Variants in COL6A3 observed in about 807,000 individuals in gnomAD.
COL6A3 encodes the protein collagen type VI alpha 3 chain.
COL6A3 carries 137 observed loss-of-function variants against 274.1 expected under a neutral mutation model. That is an observed-to-expected ratio of 0.50 (90% CI 0.44 to 0.58). The LOEUF (loss-of-function observed/expected upper bound fraction) is 0.58, where lower values mean the gene tolerates loss of function less well. COL6A3 is among the 20% of genes least tolerant of loss of function. The probability of loss-of-function intolerance (pLI) is 0.00; values close to 1 mark genes in which losing one functional copy is unlikely to be tolerated. For missense variants in COL6A3, 3,950 were observed against 4,124.9 expected (o/e 0.96, Z 1.16); for synonymous variants, 1,650 against 1,650.6 (o/e 1.00, Z 0.01).
At chr2:237,386,220 C>T (rs1050710081) in intron 4 of COL6A3, among the ~76,000 whole-genome samples, 6 of 152,192 alleles carry the variant, frequency 3.9e-5, no homozygotes, top group Non-Finnish European at 7.3e-5. Flanking sequence ...ATGAATGCAG[C>T]AACTAGAACT....
intron 1 of COL6A3, among the ~76,000 whole-genome samples, chr2:237,402,403 A>T (rs534535795): frequency 6.6e-6 from 1 of 152,344 alleles, no homozygotes; most frequent in South Asian, 2.1e-4. Context: ...CAATTAAAAT[A>T]GAAATGAGGA....
At chr2:237,387,431 C>T (rs1247688434) in intron 4 of COL6A3, 151 bp downstream of exon 4, 36 of 1,159,138 alleles carry the variant, frequency 3.1e-5, no homozygotes, top group Non-Finnish European at 4.1e-5. Flanking sequence ...ACAAACATGA[C>T]ATCCAGGACC....
intron 9 of COL6A3, among the ~76,000 whole-genome samples, chr2:237,370,320 C>T (rs1410562367): frequency 6.6e-6 from 1 of 151,566 alleles, no homozygotes; most frequent in Non-Finnish European, 1.5e-5. Flanking sequence ...CTCACTGCAA[C>T]CTCTGCCTCC....
chr2:237,385,400 G>C (rs1574734961), intron 4 of COL6A3, among the ~76,000 whole-genome samples: 1 of 152,182 alleles, frequency 6.6e-6, no homozygotes, highest in Non-Finnish European at 1.5e-5. Context: ...TGAAACAAGG[G>C]TCATGTGCTG....
intron 1 of COL6A3, among the ~76,000 whole-genome samples, chr2:237,406,981 C>G (rs955091961): frequency 2.1e-5 from 3 of 141,142 alleles, no homozygotes; most frequent in African/African-American, 8.2e-5. Context: ...ATGATCAGAG[C>G]TTACTGCAGC....
intron 42 of COL6A3, chr2:237,326,114 G>T: frequency 6.1e-6 from 1 of 164,828 alleles, no homozygotes; most frequent in Admixed American, 6.0e-5. Flanking sequence ...AAAACCTCAG[G>T]GTTTTATAAT....
In COL6A3 at chr2:237,361,006, T is replaced by C. The variant is rs1047016672; in HGVS notation, c.6210+115A>G. 1 of 875,624 alleles carries C rather than the reference T, an allele frequency of 1.1e-6. No homozygotes were observed. The highest frequency in any genetic ancestry group is 1.9e-6 in the Non-Finnish European group (1 of 517,032). 54.2% of individuals were successfully genotyped at this position (875,624 alleles called of 1,614,324 possible). A position where few individuals can be genotyped will look rare whatever the true frequency, so the allele number is the denominator to read the frequency against. ...TAAGAAAAGTATAAATTAATTTTTC[T>C]CCCAAAGGGAAAGCCATCAGCAACT... On this transcript the variant is annotated intron_variant, in intron 16 of 43. Coordinates refer to ENST00000295550, the MANE Select transcript of COL6A3 (RefSeq NM_004369.4). This position sits in a 1 kb window ranked among gnomAD's most constrained non-coding sequence, Gnocchi z 5.1.
rs1700445680 is a variant in COL6A3, at chr2:237,334,771, A to G, written c.9084T>C (p.His3028=). 6.2e-7 allele frequency: 1 copy of G among 1,614,158 alleles called. No individual in the cohort carries two copies. The highest frequency in any genetic ancestry group is 8.5e-7 in the Non-Finnish European group (1 of 1,180,018). ...YFYDLTVTSA[H]DQSLVLKQNL... is the part of the protein sequence containing the mutation. ...TCTGCTTCAGAACCAGGGACTGATCATGGGCTGAGGTGACGGTGAGGTCAT... is the reference window on the plus strand; with the variant it reads ...TCTGCTTCAGAACCAGGGACTGATCGTGGGCTGAGGTGACGGTGAGGTCAT... Residue 3028 remains histidine, a synonymous_variant, in exon 41 of 44, where the codon CAT becomes CAC. Coordinates refer to ENST00000295550, the MANE Select transcript of COL6A3 (RefSeq NM_004369.4).
In COL6A3 at chr2:237,368,499, C is replaced by T. The variant is rs2077605307; in HGVS notation, c.4900+64G>A. 1.8e-5 allele frequency: 28 copies of T among 1,586,574 alleles called. No individual in the cohort carries two copies. Among genetic ancestry groups the T allele is most frequent in the Non-Finnish European group, 2.4e-5 (28 of 1,164,000 alleles). ...AATTATTAAAAATGACTACTGATTA[C>T]TTTTTTAACTAAAAAAAAAATGTTG... On this transcript the variant is annotated intron_variant, in intron 10 of 43. Transcript: ENST00000295550. This position sits in a 1 kb window ranked among gnomAD's most constrained non-coding sequence, Gnocchi z 4.4.
In COL6A3 at chr2:237,387,489, G is replaced by A. The variant is rs113419878; in HGVS notation, c.1312+93C>T. 3,158 of 1,586,070 alleles carry A rather than the reference G, an allele frequency of 2.0e-3. 9 individuals carry two copies. The highest frequency in any genetic ancestry group is 6.7e-3 in the African/African-American group (498 of 74,508). On this transcript the variant is annotated intron_variant, in intron 4 of 43. Transcript: ENST00000295550. ...ACTGTGGGTACTTACAGCTTCTCCCGTGGCGAATCATGCTGGTACCCACCT... is the reference window on the plus strand; with the variant it reads ...ACTGTGGGTACTTACAGCTTCTCCCATGGCGAATCATGCTGGTACCCACCT...
intron 4 of COL6A3, among the ~76,000 whole-genome samples, chr2:237,384,125 C>A (rs537114734): frequency 4.9e-4 from 74 of 152,274 alleles, no homozygotes; most frequent in African/African-American, 1.7e-3. Context: ...CTTCATGACT[C>A]TGACGCAATT....
chr2:237,388,824 TA>T (rs988732870), intron 3 of COL6A3, among the ~76,000 whole-genome samples: 9 of 152,340 alleles, frequency 5.9e-5, no homozygotes, highest in Admixed American at 4.6e-4. Flanking sequence ...AGTTTTCATG[TA>T]AAAAATACTT....
chr2:237,359,134 C>G (rs1294549675), intron 19 of COL6A3, 46 bp from the exon 20 acceptor site: 2 of 1,613,630 alleles, frequency 1.2e-6, no homozygotes. Context: ...CAATTTCTAT[C>G]ACAGACTGAG....
chr2:237,403,985 T>C (rs759808797), intron 1 of COL6A3, among the ~76,000 whole-genome samples: 2 of 151,982 alleles, frequency 1.3e-5, no homozygotes, highest in African/African-American at 2.4e-5. Context: ...AAAAAGCAAT[T>C]GCAATATCTA....
chr2:237,336,033 G>T, intron 40 of COL6A3, 102 bp downstream of exon 40: 1 of 1,436,630 alleles, frequency 7.0e-7, no homozygotes, highest in Non-Finnish European at 9.7e-7. Flanking sequence ...CCCAGATCAA[G>T]GACTGTATTC....
chr2:237,391,514 GTT>G (rs745988382), intron 3 of COL6A3, among the ~76,000 whole-genome samples: 68 of 137,932 alleles, frequency 4.9e-4, no homozygotes, highest in Non-Finnish European at 7.7e-4. Flanking sequence ...CTGTTTGTTT[GTT>G]TGTTTGTTTG....
At chr2:237,376,574 G>T (rs1484690509) in intron 7 of COL6A3, among the ~76,000 whole-genome samples, 198 bp downstream of exon 7, 1 of 152,166 alleles carries the variant, frequency 6.6e-6, no homozygotes, top group African/African-American at 2.4e-5. Flanking sequence ...ATTCTCCTGA[G>T]AGAGCAGCTA....
rs1004604071 is a variant in COL6A3, at chr2:237,324,030, T to C, written c.*744A>G. ...CGTCACACCCAGGAAACTTTCAATA[T>C]ACTTTATTAAAAAGTTTCTTTGTAT... On this transcript the variant is annotated 3_prime_UTR_variant, in exon 44 of 44. Transcript: ENST00000295550. 6.6e-6 allele frequency: 1 copy of C among 152,456 alleles called. No individual in the cohort carries two copies. The highest frequency in any genetic ancestry group is 2.4e-5 in the African/African-American group (1 of 41,362). The allele number at this position is 152,456 out of a possible 1,614,324, so 9.4% of individuals were successfully genotyped here. A position where few individuals can be genotyped will look rare whatever the true frequency, so the allele number is the denominator to read the frequency against.
chr2:237,362,552 A>G (rs2077460624), intron 14 of COL6A3, among the ~76,000 whole-genome samples: 1 of 152,200 alleles, frequency 6.6e-6, no homozygotes, highest in African/African-American at 2.4e-5. Context: ...AGCTAACTCA[A>G]CCTACTTCCA....
Sources: gnomAD v4.1 joint callset for allele counts (sites outside exome capture counted in the v4.1 genomes callset) on GRCh38, gnomAD v4.1.1 for gene constraint, Gnocchi (gnomAD v3.1) non-coding constraint, MANE v1.5 for transcripts, NCBI Gene and HGNC (gene_info 2026-07-23, HGNC 2026-07-21) for gene names.